The following TP53BP1 variants were observed in gnomAD, a reference collection of about 807,000 sequenced individuals.
TP53BP1 encodes the protein TP53-binding protein 1.
Under a neutral mutation model 200.8 loss-of-function variants are expected in TP53BP1, and 61 were observed. That is an observed-to-expected ratio of 0.30 (90% CI 0.25 to 0.38). The LOEUF is 0.38. Among genes scored for constraint, TP53BP1 ranks in the 10% least tolerant of loss-of-function variants. The pLI, the probability that TP53BP1 is intolerant of heterozygous loss-of-function variation, is 1.00. For synonymous variants in TP53BP1, 822 were observed against 844.3 expected, an observed-to-expected ratio of 0.97 and a Z score of 0.46; for missense variants, 2,144 against 2,371.9, an observed-to-expected ratio of 0.90 and a Z score of 2.00.
rs1253785057 is a variant in TP53BP1, at chr15:43,432,379, A to C, written c.3490T>G (p.Cys1164Gly). 3.1e-6 allele frequency: 5 copies of C among 1,613,978 alleles called. No homozygotes were observed. Among genetic ancestry groups the C allele is most frequent in the Non-Finnish European group, 4.2e-6 (5 of 1,180,014 alleles). ...ACAGTTTCTGGGACCCTCAAGGAAC[A>C]CTCCATGGTTTGGATTCCTATGTTA... ...QNNIGIQTME[C>G]SLRVPETVSA... Residue 1164 changes from cysteine (C) to glycine (G), a missense_variant, in exon 17 of 28, where the codon TGT becomes GGT. This residue lies in a region of TP53BP1 where 1,700 missense variants were observed against 1,710.3 expected (regional missense o/e 0.99). Transcript: ENST00000382044.
intron 16 of TP53BP1, among the ~76,000 whole-genome samples, chr15:43,436,911 T>C (rs1331528602): frequency 6.6e-6 from 1 of 151,852 alleles, no homozygotes; most frequent in Non-Finnish European, 1.5e-5. Flanking sequence ...TCTGTAATTC[T>C]AGCACGTTGG....
At chr15:43,478,304 G>A (rs923767399) in intron 7 of TP53BP1, among the ~76,000 whole-genome samples, 1 of 152,104 alleles carries the variant, frequency 6.6e-6, no homozygotes, top group East Asian at 1.9e-4. Context: ...AGACTTATGA[G>A]GTTCACCTGT....
rs748388735 is a variant in TP53BP1, at chr15:43,409,629, C to T, written c.5400+18G>A. ...TTATCATTGCCACTATATTAGGTTACACAAAGAAACTCCTCACCTGGGCTT... is the reference window on the plus strand; with the variant it reads ...TTATCATTGCCACTATATTAGGTTATACAAAGAAACTCCTCACCTGGGCTT... On this transcript the variant is annotated intron_variant, in intron 25 of 27. Transcript: ENST00000382044. 7 of 1,431,630 alleles carry T rather than the reference C, an allele frequency of 4.9e-6. No homozygotes were observed. The East Asian group carries it at 1.7e-4, about 34-fold the overall frequency. 88.7% of individuals were successfully genotyped at this position (1,431,630 alleles called of 1,614,324 possible). A position where few individuals can be genotyped will look rare whatever the true frequency, so the allele number is the denominator to read the frequency against.
chr15:43,480,889 G>A lies in TP53BP1; in HGVS notation c.499+6C>T. The A allele has an allele frequency of 6.2e-7, 1 of 1,613,988 alleles. No individual in the cohort carries two copies. The highest frequency in any genetic ancestry group is 8.5e-7 in the Non-Finnish European group (1 of 1,179,958). On this transcript the variant is annotated splice_donor_region_variant and intron_variant, in intron 5 of 27. Coordinates refer to ENST00000382044, the MANE Select transcript of TP53BP1 (RefSeq NM_001141980.3). ...GTCTATTATTCTGAAAAAAGCACAA[G>A]GCTACCTTCAGCACCAAGGGAATGT...
At chr15:43,442,501 CTT>C (rs200228810) in intron 14 of TP53BP1, among the ~76,000 whole-genome samples, 7 of 142,426 alleles carry the variant, frequency 4.9e-5, no homozygotes, top group Non-Finnish European at 7.8e-5. Flanking sequence ...CAATGAGTAA[CTT>C]TTTTTTTTTT....
chr15:43,420,864 G>T, intron 20 of TP53BP1, 129 bp from the exon 21 acceptor site: 1 of 1,279,392 alleles, frequency 7.8e-7, no homozygotes, highest in Non-Finnish European at 1.1e-6. Flanking sequence ...TCACAGGCAT[G>T]AGCCTGGTCT....
intron 3 of TP53BP1, 47 bp downstream of exon 3, chr15:43,491,955 G>C (rs1566968366): frequency 2.1e-6 from 3 of 1,433,934 alleles, no homozygotes; most frequent in Admixed American, 1.7e-5. Context: ...GCACCAACAA[G>C]AGCACCCAAA....
At chr15:43,442,860 C>T (rs1241838098) in intron 14 of TP53BP1, among the ~76,000 whole-genome samples, 1 of 113,360 alleles carries the variant, frequency 8.8e-6, no homozygotes, top group African/African-American at 3.6e-5. Flanking sequence ...GAATCTCACT[C>T]TGTTGCTCAG....
At chr15:43,409,416 T>C in intron 25 of TP53BP1, 1 of 538,370 alleles carries the variant, frequency 1.9e-6, no homozygotes, top group Non-Finnish European at 3.3e-6. Flanking sequence ...ATCAATCTTC[T>C]TTTGTCCCAG....
intron 24 of TP53BP1, among the ~76,000 whole-genome samples, chr15:43,412,253 C>T (rs690262): frequency 0.035 from 5,321 of 152,230 alleles, 299 homozygotes; most frequent in African/African-American, 0.12. Flanking sequence ...ATCCACACAC[C>T]TGAAATGCCA....
chr15:43,506,903 T>A (rs1174514829), intron 1 of TP53BP1, among the ~76,000 whole-genome samples: 1 of 152,084 alleles, frequency 6.6e-6, no homozygotes, highest in Non-Finnish European at 1.5e-5. Flanking sequence ...AGCCTCTAAT[T>A]GGTCACAGGC....
In TP53BP1 at chr15:43,456,945, G is replaced by A. The variant is rs1342330619; in HGVS notation, c.1663C>T (p.Pro555Ser). The change falls in exon 12 of 28, where the codon CCC (proline) becomes TCC (serine). Residue 555 changes from proline (P) to serine (S), a missense_variant. Around this residue, in one of 4 missense-constraint regions of TP53BP1, gnomAD observed 1,700 missense variants for 1,710.3 expected, o/e 0.99. Coordinates refer to ENST00000382044, the MANE Select transcript of TP53BP1 (RefSeq NM_001141980.3). ...TTAGAATTGAGAACTGGAGACATGG[G>A]TTCCGTATCCTCAATCTGTGTGTTT... ...GENTQIEDTE[P>S]MSPVLNSKFV... 6.2e-7 allele frequency: 1 copy of A among 1,614,100 alleles called. No homozygotes were observed. The highest frequency in any genetic ancestry group is 8.5e-7 in the Non-Finnish European group (1 of 1,180,034).
At chr15:43,485,272 A>T (rs1287458254) in intron 4 of TP53BP1, among the ~76,000 whole-genome samples, 1 of 152,210 alleles carries the variant, frequency 6.6e-6, no homozygotes, top group Non-Finnish European at 1.5e-5. Context: ...TGGCACACAG[A>T]AAATACTCAA....
intron 19 of TP53BP1, 76 bp from the exon 20 acceptor site, chr15:43,421,250 C>CAA (rs2045389998): frequency 6.6e-7 from 1 of 1,510,406 alleles, no homozygotes; most frequent in African/African-American, 1.4e-5. Context: ...CCTTGGCCCT[C>CAA]AGACTACATG....
rs142661116 is a variant in TP53BP1 at position 43,418,345 on chromosome 15, A to C, written c.4682-1929T>G. On this transcript the variant is annotated intron_variant, in intron 21 of 27. Coordinates refer to ENST00000382044, the MANE Select transcript of TP53BP1 (RefSeq NM_001141980.3). ...AAACCCCATCTCTACGAAAAACACA[A>C]AAAAAAATTAGCCAGGTGTGGTGGT... 2.7e-3 allele frequency among the ~76,000 whole-genome samples: 402 copies of C among 150,026 alleles called. 4 individuals carry two copies. The highest frequency in any genetic ancestry group is 7.8e-3 in the African/African-American group (318 of 40,794).
At chr15:43,505,749 C>A (rs1015037725) in intron 1 of TP53BP1, among the ~76,000 whole-genome samples, 1 of 152,216 alleles carries the variant, frequency 6.6e-6, no homozygotes, top group African/African-American at 2.4e-5. Context: ...TTATTTTACT[C>A]AGTGCCTTTT....
At chr15:43,493,167 G>C (rs891973300), upstream of TP53BP1, 93 of 1,535,892 alleles carry the variant, frequency 6.1e-5, no homozygotes, top group Admixed American at 3.0e-4. Flanking sequence ...CCCCTTTCCC[G>C]TCACGTCACA....
At chr15:43,422,869 C>A (rs1278515986) in intron 18 of TP53BP1, among the ~76,000 whole-genome samples, 1 of 151,640 alleles carries the variant, frequency 6.6e-6, no homozygotes, top group Non-Finnish European at 1.5e-5. Flanking sequence ...GGAGTGCACA[C>A]CTGTAGTCCC....
At chr15:43,435,089 C>A (rs958263793) in intron 16 of TP53BP1, among the ~76,000 whole-genome samples, 2 of 151,850 alleles carry the variant, frequency 1.3e-5, no homozygotes, top group African/African-American at 4.8e-5. Flanking sequence ...GGCAAAACCC[C>A]GTCTCTACTA....
Sources: allele counts gnomAD v4.1 joint callset (sites outside exome capture counted in the v4.1 genomes callset), GRCh38; gene constraint gnomAD v4.1.1; regional missense constraint gnomAD v4.1.1; transcripts MANE v1.5; gene names NCBI Gene and HGNC (gene_info 2026-07-23, HGNC 2026-07-21).